The following BRIX1 variants were observed in gnomAD, a reference collection of about 807,000 sequenced individuals.
BRIX1 encodes ribosome biogenesis protein BRX1 homolog.
In BRIX1, 15 loss-of-function variants were observed where a neutral mutation model predicts 44.0. The ratio of observed to expected loss-of-function variants is 0.34; its 90% confidence interval spans 0.23 to 0.53. The LOEUF is 0.53. BRIX1 is among the 20% of genes least tolerant of loss of function. The probability of loss-of-function intolerance (pLI) is 0.95; values close to 1 mark genes in which losing one functional copy is unlikely to be tolerated. For synonymous variants in BRIX1, 149 were observed against 135.4 expected, an observed-to-expected ratio of 1.10 and a Z score of -0.70; for missense variants, 420 against 432.8, an observed-to-expected ratio of 0.97 and a Z score of 0.26.
intron 8 of BRIX1, among the ~76,000 whole-genome samples, chr5:34,924,377 G>A (rs956879360): frequency 3.3e-5 from 5 of 152,092 alleles, no homozygotes; most frequent in African/African-American, 1.2e-4. Context: ...TTTGTTGTTC[G>A]GAAGTTGCCT....
intron 3 of BRIX1, chr5:34,921,433 G>A (rs557658195): frequency 6.6e-6 from 1 of 152,254 alleles, no homozygotes; most frequent in Non-Finnish European, 1.5e-5. Flanking sequence ...AAGCTAAAAA[G>A]TTAAAAATCA....
chr5:34,925,061 C>A (rs1764342385), intron 9 of BRIX1, 86 bp downstream of exon 9: 33 of 1,509,774 alleles, frequency 2.2e-5, no homozygotes, highest in Non-Finnish European at 2.8e-5. Context: ...TGTTTTATTA[C>A]CTGTGAAACT....
Position 34,925,736 on chromosome 5 carries a change from A to C in BRIX1, c.*241A>C, listed in dbSNP as rs1580514445. 2.5e-6 allele frequency: 1 copy of C among 397,216 alleles called. No individual in the cohort carries two copies. Among genetic ancestry groups the C allele is most frequent in the East Asian group, 4.4e-5 (1 of 22,552 alleles). The allele number at this position is 397,216 out of a possible 1,614,324, so 24.6% of individuals were successfully genotyped here. On this transcript the variant is annotated 3_prime_UTR_variant, in exon 10 of 10. Coordinates refer to ENST00000336767, the MANE Select transcript of BRIX1 (RefSeq NM_018321.4). Reference sequence around the variant, plus strand: ...GCTAAAAATGTAGCACACTTAATGTAGCCTGTTCTCTTGGGTTGGAATTTT... The same window carrying C: ...GCTAAAAATGTAGCACACTTAATGTCGCCTGTTCTCTTGGGTTGGAATTTT...
At chr5:34,919,679 G>A (rs1764199463) in intron 2 of BRIX1, among the ~76,000 whole-genome samples, 161 bp from the exon 3 acceptor site, 1 of 152,052 alleles carries the variant, frequency 6.6e-6, no homozygotes, top group South Asian at 2.1e-4. Flanking sequence ...AGATTTTTGA[G>A]CGATTGTTTC....
In BRIX1 at chr5:34,915,827, C is replaced by T. The variant is rs1307498787; in HGVS notation, c.89C>T (p.Ala30Val). The change falls in exon 1 of 10, where the codon GCT (alanine) becomes GTT (valine). Residue 30 changes from alanine (A) to valine (V), a missense_variant. By Grantham distance (64) the Ala-to-Val change is moderately conservative (BLOSUM62 0). Coordinates refer to ENST00000336767, the MANE Select transcript of BRIX1 (RefSeq NM_018321.4). ...KRNEIDAEPP[A>V]KRHATAEEVE... ...AACGAAATAGATGCGGAGCCGCCAG[C>T]TAAGCGGCACGCCACAGCAGAGGAG... The T allele has an allele frequency of 1.3e-6, 2 of 1,573,202 alleles. No homozygotes were observed. The highest frequency in any genetic ancestry group is 1.2e-5 in the South Asian group (1 of 85,772).
At position 34,925,304 on chromosome 5, in the gene BRIX1, A is replaced by G; in HGVS notation, c.871A>G (p.Lys291Glu). 1 of 1,613,896 alleles carries G rather than the reference A, an allele frequency of 6.2e-7. No individual in the cohort carries two copies. Among genetic ancestry groups the G allele is most frequent in the South Asian group, 1.1e-5 (1 of 91,002 alleles). Residue 291 changes from lysine to glutamate, a missense_variant, in exon 10 of 10, where the codon AAG becomes GAG. Physicochemically the swap from Lys to Glu is moderately conservative, Grantham distance 56. Coordinates refer to ENST00000336767, the MANE Select transcript of BRIX1 (RefSeq NM_018321.4). ...QQVKDVQKLR[K>E]KEPKTLLPHD... ...AGTGAAAGATGTGCAAAAACTGAGAAAGAAAGAGCCGAAGACTCTTCTTCC... is the reference window on the plus strand; with the variant it reads ...AGTGAAAGATGTGCAAAAACTGAGAGAGAAAGAGCCGAAGACTCTTCTTCC...
chr5:34,920,031 AT>A (rs1165646678), intron 3 of BRIX1, 148 bp downstream of exon 3: 2 of 473,808 alleles, frequency 4.2e-6, no homozygotes, highest in Non-Finnish European at 7.7e-6. Context: ...GGTCTTCCAA[AT>A]TTTTATCTCT....
In BRIX1 at chr5:34,922,530, A is replaced by G. The variant is rs1257873565; in HGVS notation, c.387-9A>G. On this transcript the variant is annotated splice_polypyrimidine_tract_variant and intron_variant, in intron 4 of 9. Transcript: ENST00000336767. ...AATTAGTTGAAAAAGCTTACTCCAT[A>G]TCTTTCAGGCTTTCAAATTCACCTC... 16 of 1,589,426 alleles carry G rather than the reference A, an allele frequency of 1.0e-5. No homozygotes were observed. Among genetic ancestry groups the G allele is most frequent in the African/African-American group, 2.7e-5 (2 of 74,384 alleles).
At chr5:34,920,727 A>G (rs1305016578) in intron 3 of BRIX1, 1 of 152,234 alleles carries the variant, frequency 6.6e-6, no homozygotes, top group East Asian at 1.9e-4. Context: ...GAAATATGGT[A>G]AAAGACCATC....
rs142636216 is a variant in BRIX1, at chr5:34,922,369, G to C, written c.386+82G>C. ...ACCTTTTATGTTATAGACTCCTAGT[G>C]TTTCATGTTAAGGGTTGAGAATGAA... On this transcript the variant is annotated intron_variant, in intron 4 of 9. Transcript: ENST00000336767. 2.7e-4 allele frequency: 269 copies of C among 997,926 alleles called. No individual in the cohort carries two copies. In the African/African-American group the frequency reaches 3.9e-3, roughly 15 times the overall value. The allele number at this position is 997,926 out of a possible 1,614,324, so 61.8% of individuals were successfully genotyped here. A position where few individuals can be genotyped will look rare whatever the true frequency, so the allele number is the denominator to read the frequency against.
At position 34,925,868 on chromosome 5, in the gene BRIX1, G is replaced by A. The variant is rs1396509626; in HGVS notation, c.*373G>A. 1 of 161,236 alleles carries A rather than the reference G, an allele frequency of 6.2e-6. No individual in the cohort carries two copies. The highest frequency in any genetic ancestry group is 2.4e-5 in the African/African-American group (1 of 41,616). 10.0% of individuals were successfully genotyped at this position (161,236 alleles called of 1,614,324 possible). Reference sequence around the variant, plus strand: ...TGGATGGTAAAGTAGGAGTAGACTGGTAGAAAGGAAGGCATCTCACTGAAG... The same window carrying A: ...TGGATGGTAAAGTAGGAGTAGACTGATAGAAAGGAAGGCATCTCACTGAAG... On this transcript the variant is annotated 3_prime_UTR_variant, in exon 10 of 10. Coordinates refer to ENST00000336767, the MANE Select transcript of BRIX1 (RefSeq NM_018321.4).
chr5:34,925,092 A>T, intron 9 of BRIX1, 117 bp downstream of exon 9: 1 of 1,459,736 alleles, frequency 6.9e-7, no homozygotes. Context: ...TTTGCTGCAT[A>T]GAAACTTGGA....
At chr5:34,916,065 A>C in intron 1 of BRIX1, 168 bp downstream of exon 1, 1 of 741,568 alleles carries the variant, frequency 1.3e-6, no homozygotes, top group Non-Finnish European at 2.0e-6. Context: ...TTTGCAGCTA[A>C]TCCTTGTGCA....
chr5:34,916,002 G>A (rs1764071291), intron 1 of BRIX1, 105 bp downstream of exon 1: 1 of 1,339,618 alleles, frequency 7.5e-7, no homozygotes, highest in African/African-American at 1.5e-5. Flanking sequence ...AGTAGCCCGG[G>A]TGTTAACGGT....
At chr5:34,916,647 A>G (rs1014399207) in intron 1 of BRIX1, 2 of 152,242 alleles carry the variant, frequency 1.3e-5, no homozygotes, top group Non-Finnish European at 2.9e-5. Context: ...CTTAAGCTAG[A>G]CAGAATACTG....
In BRIX1 at chr5:34,925,223, T is replaced by TA. The variant is rs66875519; in HGVS notation, c.793-2dup. 193,370 of 1,478,334 alleles carry TA rather than the reference T, an allele frequency of 0.13. 3,141 individuals carry two copies. The highest frequency in any genetic ancestry group is 0.15 in the Middle Eastern group (787 of 5,172). The allele number at this position is 1,478,334 out of a possible 1,614,324, so 91.6% of individuals were successfully genotyped here. On this transcript the variant is annotated splice_region_variant and splice_polypyrimidine_tract_variant and intron_variant, in intron 9 of 9. Transcript: ENST00000336767. Reference sequence around the variant, plus strand: ...GCATCTAATCTTTTTTTTTTTTTTTTAGCATCGGCGTGTCATAAGATCCAT... The same window carrying TA: ...GCATCTAATCTTTTTTTTTTTTTTTTAAGCATCGGCGTGTCATAAGATCCAT...
intron 2 of BRIX1, 141 bp downstream of exon 2, chr5:34,918,616 AT>A (rs748305285): frequency 8.4e-6 from 4 of 478,720 alleles, no homozygotes; most frequent in Non-Finnish European, 1.5e-5. Flanking sequence ...AAGTGCCACA[AT>A]TTTTCCAGTT....
chr5:34,920,224 A>G (rs12521945), intron 3 of BRIX1: 22,054 of 157,104 alleles, frequency 0.14, 1,749 homozygotes, highest in South Asian at 0.23. Context: ...TCCATTAAAC[A>G]TATATATATA....
At position 34,925,624 on chromosome 5, in the gene BRIX1, A is replaced by G. The variant is rs1764362264; in HGVS notation, c.*129A>G. 1.4e-6 allele frequency: 1 copy of G among 710,328 alleles called. No homozygotes were observed. Among genetic ancestry groups the G allele is most frequent in the Admixed American group, 3.6e-5 (1 of 27,998 alleles). The allele number at this position is 710,328 out of a possible 1,614,324, so 44.0% of individuals were successfully genotyped here. On this transcript the variant is annotated 3_prime_UTR_variant, in exon 10 of 10. Coordinates refer to ENST00000336767, the MANE Select transcript of BRIX1 (RefSeq NM_018321.4). ...GCATTTACAAGAAAGAAAAATTAAG[A>G]TCTTAAAATCAGTGATTATCTTTTT...
Sources: gnomAD v4.1 joint callset for allele counts (sites outside exome capture counted in the v4.1 genomes callset) on GRCh38, gnomAD v4.1.1 for gene constraint, MANE v1.5 for transcripts, NCBI Gene and HGNC (gene_info 2026-07-23, HGNC 2026-07-21) for gene names.